The following KCNMA1 variants were observed in gnomAD, a reference collection of about 807,000 sequenced individuals.
KCNMA1 encodes the protein potassium calcium-activated channel subfamily M alpha 1.
A neutral mutation model predicts 140.0 loss-of-function variants in KCNMA1; 29 were observed. The ratio of observed to expected loss-of-function variants is 0.21; its 90% CI spans 0.15 to 0.28. The LOEUF is 0.28. Ranked by LOEUF, KCNMA1 falls within the 10% of genes least tolerant of loss-of-function variation. The pLI, the probability that KCNMA1 is intolerant of heterozygous loss-of-function variation, is 1.00. For synonymous variants in KCNMA1, 612 were observed against 611.9 expected (o/e 1.00, Z 0.00); for missense variants, 880 against 1,602.2 (o/e 0.55, Z 7.70).
At chr10:76,874,504 A>C (rs889554392), downstream of KCNMA1, 1 of 152,316 alleles carries the variant, frequency 6.6e-6, no homozygotes, top group Admixed American at 6.5e-5. Flanking sequence ...TTAAAGATCA[A>C]GTTTGTTGTT....
intron 1 of KCNMA1, 172 bp downstream of exon 1, chr10:77,637,093 G>A (rs1025308792): frequency 3.8e-6 from 5 of 1,313,762 alleles, no homozygotes; most frequent in African/African-American, 1.5e-5. Flanking sequence ...CGCGCCGCCC[G>A]CTGCCCCGAT....
chr10:77,259,801 T>A lies in KCNMA1; in HGVS notation c.541-8545A>T, dbSNP rs572241926. On this transcript the variant is annotated intron_variant, in intron 2 of 27. Coordinates refer to ENST00000286628, the MANE Select transcript of KCNMA1 (RefSeq NM_001161352.2). ...GTTAGCAAAGCAGCAATTTTACATG[T>A]CTTTGTGCAATCATTTTGATCAATT... is the stretch of plus-strand genomic sequence containing the variant. Among the ~76,000 whole-genome samples, 51 of 152,352 alleles carry A rather than the reference T, an allele frequency of 3.3e-4. 1 individual carries two copies. In the Middle Eastern group the frequency reaches 0.014, roughly 41 times the overall value.
chr10:77,559,062 C>T (rs1250995440), intron 1 of KCNMA1, among the ~76,000 whole-genome samples: 1 of 152,156 alleles, frequency 6.6e-6, no homozygotes, highest in African/African-American at 2.4e-5. Flanking sequence ...GTGTCCTGGT[C>T]AGCCCAGCCC....
chr10:77,518,339 A>G (rs2051360789), intron 1 of KCNMA1, among the ~76,000 whole-genome samples: 1 of 152,216 alleles, frequency 6.6e-6, no homozygotes, highest in African/African-American at 2.4e-5. Context: ...TGACCACTAT[A>G]TCTTCAGCAC....
chr10:77,478,341 C>G (rs987464049), intron 1 of KCNMA1, among the ~76,000 whole-genome samples: 1 of 152,178 alleles, frequency 6.6e-6, no homozygotes. Context: ...AGCAGATGAA[C>G]GCTCTGCTCA....
Position 77,251,180 on chromosome 10 carries a change from T to C in KCNMA1, c.602+15A>G, listed in dbSNP as rs980170317. 6.3e-7 allele frequency: 1 copy of C among 1,585,858 alleles called. No individual in the cohort carries two copies. The highest frequency in any genetic ancestry group is 8.7e-7 in the Non-Finnish European group (1 of 1,154,374). ...TTTATGAAACGAGGGCAAGAAAGTA[T>C]ATTTGAATACTCACTTTGATGAATC... On this transcript the variant is annotated intron_variant, in intron 3 of 27. Transcript: ENST00000286628.
intron 15 of KCNMA1, among the ~76,000 whole-genome samples, chr10:77,035,179 A>G (rs183188581): frequency 6.3e-4 from 96 of 152,330 alleles, no homozygotes; most frequent in African/African-American, 2.2e-3. Flanking sequence ...TCGGAGACCT[A>G]GGTGTTGAGA....
At chr10:77,520,108 C>T (rs1296209996) in intron 1 of KCNMA1, among the ~76,000 whole-genome samples, 3 of 146,366 alleles carry the variant, frequency 2.0e-5, no homozygotes, top group Admixed American at 1.4e-4. Context: ...TGAGGGTGTG[C>T]AGTGTGAGGT....
At chr10:77,011,845 A>T (rs1488818225) in intron 18 of KCNMA1, 122 bp downstream of exon 18, 10 of 873,030 alleles carry the variant, frequency 1.1e-5, no homozygotes, top group Non-Finnish European at 1.7e-5. Context: ...GCTGGGTGAA[A>T]CATAAACATA....
intron 7 of KCNMA1, among the ~76,000 whole-genome samples, chr10:77,110,734 T>TG (rs1383194620): frequency 2.6e-5 from 4 of 152,204 alleles, no homozygotes; most frequent in Non-Finnish European, 5.9e-5. Context: ...CCTTCCTCAA[T>TG]GGGTTTCTAA....
At chr10:77,152,621 A>G (rs1265722583) in intron 5 of KCNMA1, among the ~76,000 whole-genome samples, 3 of 152,122 alleles carry the variant, frequency 2.0e-5, no homozygotes, top group Non-Finnish European at 4.4e-5. Context: ...GCATTGATCC[A>G]ACACCTCCTG....
intron 3 of KCNMA1, among the ~76,000 whole-genome samples, chr10:77,234,130 C>T (rs1226293503): frequency 6.6e-6 from 1 of 152,120 alleles, no homozygotes; most frequent in Non-Finnish European, 1.5e-5. Flanking sequence ...ATGCCCTAAT[C>T]AAGAAGCAAG....
chr10:77,025,186 GGAACA>G (rs2093281221), intron 16 of KCNMA1, among the ~76,000 whole-genome samples: 1 of 140,440 alleles, frequency 7.1e-6, no homozygotes, highest in African/African-American at 2.6e-5. Context: ...AAATCAAACA[GGAACA>G]GAAATAGGCT....
chr10:77,103,636 A>G (rs1173606601), intron 9 of KCNMA1, among the ~76,000 whole-genome samples: 1 of 152,226 alleles, frequency 6.6e-6, no homozygotes, highest in African/African-American at 2.4e-5. Flanking sequence ...TGAAATCCAC[A>G]AAAAAGGCAC....
intron 2 of KCNMA1, among the ~76,000 whole-genome samples, chr10:77,335,162 C>T (rs557186726): frequency 2.0e-5 from 3 of 152,290 alleles, no homozygotes; most frequent in South Asian, 4.1e-4. Context: ...CTTCCTCCTC[C>T]TCCCGTCCTC....
At chr10:77,165,878 T>G (rs1415633551) in intron 5 of KCNMA1, among the ~76,000 whole-genome samples, 1 of 152,226 alleles carries the variant, frequency 6.6e-6, no homozygotes, top group African/African-American at 2.4e-5. Flanking sequence ...AAGAGGATTC[T>G]GAGGGCGACA....
At chr10:77,419,216 A>G (rs1218508259) in intron 1 of KCNMA1, among the ~76,000 whole-genome samples, 2 of 152,120 alleles carry the variant, frequency 1.3e-5, no homozygotes, top group Non-Finnish European at 2.9e-5. Context: ...CTCTTATTAT[A>G]AGGATCTGCC....
intron 1 of KCNMA1, among the ~76,000 whole-genome samples, chr10:77,573,439 A>C (rs960028390): frequency 1.3e-5 from 2 of 152,098 alleles, no homozygotes; most frequent in Non-Finnish European, 2.9e-5. Context: ...GTACAGTTGC[A>C]TTTGGCCTCA....
chr10:77,480,684 C>T (rs572922203), intron 1 of KCNMA1, among the ~76,000 whole-genome samples: 1 of 152,318 alleles, frequency 6.6e-6, no homozygotes, highest in African/African-American at 2.4e-5. Flanking sequence ...TTACAGGCGC[C>T]TCCAAGACTC....
Sources: allele counts gnomAD v4.1 joint callset (sites outside exome capture counted in the v4.1 genomes callset), GRCh38; gene constraint gnomAD v4.1.1; transcripts MANE v1.5; gene names NCBI Gene and HGNC (gene_info 2026-07-23, HGNC 2026-07-21).